Variants in NECAP2 observed in about 807,000 individuals in gnomAD.
NECAP2 encodes NECAP endocytosis associated 2.
In NECAP2, 38 loss-of-function variants were observed where a neutral mutation model predicts 37.8. That is an observed-to-expected ratio of 1.01 (90% CI 0.78 to 1.32). The LOEUF (loss-of-function observed/expected upper bound fraction) is 1.32, where lower values mean the gene tolerates loss of function less well. Among genes scored for constraint, NECAP2 ranks in the 40% most tolerant of loss-of-function variants. The pLI is 0.00. For missense variants in NECAP2, 316 were observed against 334.5 expected, an observed-to-expected ratio of 0.94 and a Z score of 0.43; for synonymous variants, 121 against 127.7, an observed-to-expected ratio of 0.95 and a Z score of 0.35.
chr1:16,459,340 A>G lies in NECAP2; in HGVS notation c.*450A>G, dbSNP rs2086977915. 6.1e-6 allele frequency: 1 copy of G among 164,672 alleles called. No individual in the cohort carries two copies. Among genetic ancestry groups the G allele is most frequent in the South Asian group, 1.9e-4 (1 of 5,200 alleles). 10.2% of individuals were successfully genotyped at this position (164,672 alleles called of 1,614,324 possible). A position where few individuals can be genotyped will look rare whatever the true frequency, so the allele number is the denominator to read the frequency against. Reference sequence around the variant, plus strand: ...ACACTGGCTGTAGCCACTTCAGTCCATCTGCCCTCCAGAGGAGGGGTTTCT... The same window carrying G: ...ACACTGGCTGTAGCCACTTCAGTCCGTCTGCCCTCCAGAGGAGGGGTTTCT... On this transcript the variant is annotated 3_prime_UTR_variant, in exon 8 of 8. Transcript: ENST00000337132.
intron 1 of NECAP2, 124 bp downstream of exon 1, chr1:16,440,977 C>A: frequency 1.4e-6 from 1 of 738,980 alleles, no homozygotes; most frequent in Admixed American, 2.2e-5. Flanking sequence ...GCTAATGCTG[C>A]TGCTTCTTCC....
intron 1 of NECAP2, among the ~76,000 whole-genome samples, chr1:16,442,195 C>T (rs945248424): frequency 2.0e-4 from 29 of 148,608 alleles, no homozygotes; most frequent in Non-Finnish European, 1.9e-4. Context: ...TCAGGCTGGT[C>T]TCGAACTCCC....
intron 6 of NECAP2, among the ~76,000 whole-genome samples, chr1:16,452,505 GAGA>G (rs1234113839): frequency 7.9e-5 from 12 of 152,316 alleles, no homozygotes; most frequent in African/African-American, 2.6e-4. Flanking sequence ...TCCAGGCAGA[GAGA>G]AGAACACGAA....
In NECAP2 at chr1:16,456,802, C is replaced by T. The variant is rs279019; in HGVS notation, c.743+909C>T. Among the ~76,000 whole-genome samples, 363 of 152,304 alleles carry T rather than the reference C, an allele frequency of 2.4e-3. 1 individual carries two copies. Among genetic ancestry groups the T allele is most frequent in the African/African-American group, 8.4e-3 (351 of 41,560 alleles). ...AGGCTGGAGTGCAGTGGCACTATCA[C>T]GGCTTACTGCAACCACATTCTCCCA... On this transcript the variant is annotated intron_variant, in intron 7 of 7. Transcript: ENST00000337132.
intron 2 of NECAP2, among the ~76,000 whole-genome samples, chr1:16,444,473 A>G (rs2086732993): frequency 6.6e-6 from 1 of 152,258 alleles, no homozygotes; most frequent in Non-Finnish European, 1.5e-5. Context: ...GCCTCTTCTC[A>G]GAACTATGTT....
In NECAP2 at chr1:16,457,707, G is replaced by GGTT. The variant is rs1174757173; in HGVS notation, c.744-1135_744-1134insGTT. 1.9e-5 allele frequency among the ~76,000 whole-genome samples: 2 copies of GGTT among 105,498 alleles called. 1 individual carries two copies. Among genetic ancestry groups the GGTT allele is most frequent in the African/African-American group, 7.6e-5 (2 of 26,322 alleles). 69.2% of individuals were successfully genotyped at this position (105,498 alleles called of 152,430 possible). A position where few individuals can be genotyped will look rare whatever the true frequency, so the allele number is the denominator to read the frequency against. On this transcript the variant is annotated intron_variant, in intron 7 of 7. Transcript: ENST00000337132. ...TCCATTTACAAAATATAGTAATTCTGTTTTTTTTTTTTTTTTTTTTTTGAG... is the reference window on the plus strand; with the variant it reads ...TCCATTTACAAAATATAGTAATTCTGGTTTTTTTTTTTTTTTTTTTTTTTTGAG...
intron 7 of NECAP2, among the ~76,000 whole-genome samples, chr1:16,456,600 G>T (rs909088464): frequency 2.6e-5 from 4 of 152,166 alleles, no homozygotes; most frequent in Admixed American, 2.0e-4. Context: ...AACGCCTGAG[G>T]CTAGGTGGCT....
intron 2 of NECAP2, among the ~76,000 whole-genome samples, chr1:16,447,062 GA>G (rs57135732): frequency 0.7 from 93,426 of 133,160 alleles, 32,068 homozygotes; most frequent in South Asian, 0.73. Flanking sequence ...TCCATCTCAG[GA>G]AAAAAAAAAA....
intron 6 of NECAP2, among the ~76,000 whole-genome samples, chr1:16,454,099 G>GCA (rs2086884127): frequency 1.3e-5 from 2 of 151,864 alleles, no homozygotes; most frequent in African/African-American, 4.8e-5. Flanking sequence ...TGCTCTTGTT[G>GCA]CCCAGGCTGG....
chr1:16,452,179 G>A (rs1041271214), intron 6 of NECAP2, among the ~76,000 whole-genome samples, 164 bp downstream of exon 6: 2 of 152,220 alleles, frequency 1.3e-5, no homozygotes, highest in Non-Finnish European at 2.9e-5. Flanking sequence ...CACACGCTGG[G>A]TAAGGGGCTC....
At chr1:16,456,305 A>G (rs562374435) in intron 7 of NECAP2, among the ~76,000 whole-genome samples, 17 of 152,182 alleles carry the variant, frequency 1.1e-4, no homozygotes, top group Non-Finnish European at 2.4e-4. Context: ...GATTACAGGC[A>G]TGAGCCACCG....
intron 7 of NECAP2, among the ~76,000 whole-genome samples, chr1:16,457,398 C>T (rs2086936733): frequency 6.6e-6 from 1 of 152,084 alleles, no homozygotes; most frequent in Non-Finnish European, 1.5e-5. Flanking sequence ...TTGCAGTCAG[C>T]TGACATCATG....
At chr1:16,457,036 T>TA (rs1451255662) in intron 7 of NECAP2, among the ~76,000 whole-genome samples, 5 of 152,224 alleles carry the variant, frequency 3.3e-5, no homozygotes, top group Admixed American at 1.3e-4. Flanking sequence ...GCAAATAGTT[T>TA]AGACTATTCA....
chr1:16,449,054 TCTTC>T (rs754030725), intron 4 of NECAP2, 35 bp from the exon 5 acceptor site: 1 of 1,410,322 alleles, frequency 7.1e-7, no homozygotes, highest in South Asian at 1.2e-5. Context: ...GCAGCTGGTC[TCTTC>T]CTTCCTCACC....
chr1:16,445,691 C>T (rs2086749728), intron 2 of NECAP2, among the ~76,000 whole-genome samples: 1 of 152,100 alleles, frequency 6.6e-6, no homozygotes, highest in Non-Finnish European at 1.5e-5. Flanking sequence ...ATCGCTTGAG[C>T]CCAGGAATTC....
At chr1:16,446,201 T>C (rs1445933173) in intron 2 of NECAP2, among the ~76,000 whole-genome samples, 2 of 152,078 alleles carry the variant, frequency 1.3e-5, no homozygotes, top group Non-Finnish European at 2.9e-5. Context: ...AGAGTGAAAC[T>C]CCGTCTTGGA....
intron 5 of NECAP2, chr1:16,450,276 TTTTGTTTTGTTG>T (rs1479677145): frequency 2.6e-6 from 1 of 386,822 alleles, no homozygotes; most frequent in Non-Finnish European, 5.1e-6. Flanking sequence ...TTGTTTTTTG[TTTTGTTTTGTTG>T]TTTTTTTTTT....
Position 16,451,964 on chromosome 1 carries a change from C to T in NECAP2, c.616C>T (p.Gln206Ter). Residue 206 changes from glutamine to a stop codon, truncating the protein, a stop_gained, in exon 6 of 8, where the codon CAG becomes TAG. Transcript: ENST00000337132. LOFTEE classifies it high-confidence loss of function. The stretch of plus-strand genomic sequence containing the variant: ...CACCCTGATCCCTCCCCCTGGGGAG[C>T]AGTTGGCTGTGGGGGGATCCCTCGT... ...TSTLIPPPGE[Q>*]LAVGGSLVQP... 6.2e-7 allele frequency: 1 copy of T among 1,611,254 alleles called. No individual in the cohort carries two copies. The highest frequency in any genetic ancestry group is 8.5e-7 in the Non-Finnish European group (1 of 1,178,448).
chr1:16,451,968 T>C lies in NECAP2; in HGVS notation c.620T>C (p.Leu207Ser), dbSNP rs2086850291. 1 of 1,611,312 alleles carries C rather than the reference T, an allele frequency of 6.2e-7. No individual in the cohort carries two copies. Among genetic ancestry groups the C allele is most frequent in the Non-Finnish European group, 8.5e-7 (1 of 1,178,480 alleles). The change falls in exon 6 of 8, where the codon TTG becomes TCG. Residue 207 changes from leucine (L) to serine (S), a missense_variant. Around this residue, in one of 3 missense-constraint regions of NECAP2, gnomAD observed 204 missense variants for 188.6 expected, o/e 1.08. Coordinates refer to ENST00000337132, the MANE Select transcript of NECAP2 (RefSeq NM_018090.5). Reference protein sequence around the residue: ...STLIPPPGEQLAVGGSLVQPA... With the variant: ...STLIPPPGEQSAVGGSLVQPA... Reference sequence around the variant, plus strand: ...CTGATCCCTCCCCCTGGGGAGCAGTTGGCTGTGGGGGGATCCCTCGTCCAG... The same window carrying C: ...CTGATCCCTCCCCCTGGGGAGCAGTCGGCTGTGGGGGGATCCCTCGTCCAG...
Sources: gnomAD v4.1 joint callset for allele counts (sites outside exome capture counted in the v4.1 genomes callset) on GRCh38, gnomAD v4.1.1 for gene constraint, gnomAD v4.1.1 regional missense constraint, MANE v1.5 for transcripts, NCBI Gene and HGNC (gene_info 2026-07-23, HGNC 2026-07-21) for gene names.